The following FPGS variants were observed in gnomAD, a reference collection of about 807,000 sequenced individuals.
The protein encoded by FPGS is folylpolyglutamate synthase.
FPGS carries 53 observed loss-of-function variants against 66.5 expected under a neutral mutation model. That is an observed-to-expected ratio of 0.80 (90% confidence interval 0.64 to 1.00). FPGS has a LOEUF of 1.00. FPGS is among the 50% of genes least tolerant of loss of function. The probability of loss-of-function intolerance (pLI) is 0.00; values close to 1 mark genes in which losing one functional copy is unlikely to be tolerated. For synonymous variants in FPGS, 348 were observed against 350.9 expected (o/e 0.99, Z 0.09); for missense variants, 702 against 807.7 (o/e 0.87, Z 1.59).
At position 127,813,613 on chromosome 9, in the gene FPGS, C is replaced by G; in HGVS notation, c.*9C>G. Reference sequence around the variant, plus strand: ...CCGCACTGTCCCAGTAGCCAAGGCCCGGGGTTGGAGGTGGGAGCTTCCCAC... The same window carrying G: ...CCGCACTGTCCCAGTAGCCAAGGCCGGGGGTTGGAGGTGGGAGCTTCCCAC... On this transcript the variant is annotated 3_prime_UTR_variant, in exon 15 of 15. Coordinates refer to ENST00000373247, the MANE Select transcript of FPGS (RefSeq NM_004957.6). 5 of 1,506,482 alleles carry G rather than the reference C, an allele frequency of 3.3e-6. No homozygotes were observed. The highest frequency in any genetic ancestry group is 2.7e-6 in the Non-Finnish European group (3 of 1,126,316). The allele number at this position is 1,506,482 out of a possible 1,614,324, so 93.3% of individuals were successfully genotyped here. A position where few individuals can be genotyped will look rare whatever the true frequency, so the allele number is the denominator to read the frequency against.
At position 127,807,271 on chromosome 9, in the gene FPGS, C is replaced by T; in HGVS notation, c.564C>T (p.Val188=). The T allele has an allele frequency of 6.2e-7, 1 of 1,614,204 alleles. No homozygotes were observed. The highest frequency in any genetic ancestry group is 8.5e-7 in the Non-Finnish European group (1 of 1,180,022). ...TCCTGACACTCATGGCCTTCCACGT[C>T]TTCCTCCAAGAGAAGGTGTGTGCCC... ...FRFLTLMAFH[V]FLQEKVDLAV... The change falls in exon 6 of 15, where the codon GTC becomes GTT. Residue 188 remains valine, a synonymous_variant. Coordinates refer to ENST00000373247, the MANE Select transcript of FPGS (RefSeq NM_004957.6). The surrounding 1 kb of genome is among the most constrained non-coding windows in gnomAD (Gnocchi z 5.8).
rs1366625330 is a variant in FPGS, at chr9:127,808,692, G to T, written c.957G>T (p.Arg319=). The T allele has an allele frequency of 6.3e-7, 1 of 1,588,556 alleles. No homozygotes were observed. Among genetic ancestry groups the T allele is most frequent in the Non-Finnish European group, 8.6e-7 (1 of 1,168,000 alleles). Residue 319 remains arginine (R), a synonymous_variant, in exon 10 of 15, where the codon CGG becomes CGT. Coordinates refer to ENST00000373247, the MANE Select transcript of FPGS (RefSeq NM_004957.6). ...ALQLAHCWLQ[R]QDRHGAGEPK... ...AGCTGGCCCACTGCTGGCTGCAGCG[G>T]CAGGACCGCCATGGTGAGTGGGCAG...
intron 4 of FPGS, among the ~76,000 whole-genome samples, chr9:127,805,157 G>A (rs1163051801): frequency 1.3e-5 from 2 of 151,990 alleles, no homozygotes; most frequent in African/African-American, 4.8e-5. Flanking sequence ...CTAAAGTGCT[G>A]GGATTACAGG....
Position 127,808,431 on chromosome 9 carries a change from T to C in FPGS, c.822+120T>C, listed in dbSNP as rs532279179. The C allele has an allele frequency of 3.6e-4, 534 of 1,502,830 alleles. 1 individual carries two copies. The highest frequency in any genetic ancestry group is 4.5e-4 in the Non-Finnish European group (487 of 1,087,904). The allele number at this position is 1,502,830 out of a possible 1,614,324, so 93.1% of individuals were successfully genotyped here. Reference sequence around the variant, plus strand: ...TGTGCAGTGAGGACGCTGGGCCAGCTGCCAGGCCTGCTGGAACACATCTCA... The same window carrying C: ...TGTGCAGTGAGGACGCTGGGCCAGCCGCCAGGCCTGCTGGAACACATCTCA... On this transcript the variant is annotated intron_variant, in intron 9 of 14. Coordinates refer to ENST00000373247, the MANE Select transcript of FPGS (RefSeq NM_004957.6).
Position 127,810,012 on chromosome 9 carries a change from C to G in FPGS, c.1212-19C>G. ...GAACGGGCGGCGCCCTTTGACCCAG[C>G]TCCTCACCTCTGTCGCAGTGGCCCC... On this transcript the variant is annotated intron_variant, in intron 12 of 14. Coordinates refer to ENST00000373247, the MANE Select transcript of FPGS (RefSeq NM_004957.6). 6.2e-7 allele frequency: 1 copy of G among 1,605,578 alleles called. No homozygotes were observed. Among genetic ancestry groups the G allele is most frequent in the Non-Finnish European group, 8.5e-7 (1 of 1,176,628 alleles).
rs1168520194 is a variant in FPGS, at chr9:127,813,759, C to CT, written c.*161dup. 21 of 1,317,236 alleles carry CT rather than the reference C, an allele frequency of 1.6e-5. No individual in the cohort carries two copies. The highest frequency in any genetic ancestry group is 3.9e-5 in the Admixed American group (1 of 25,370). 81.6% of individuals were successfully genotyped at this position (1,317,236 alleles called of 1,614,324 possible). ...GGGATGGGAGGCCGGGAGAGGATGT[C>CT]TTTTTTAAGGCTCTGTGCCTTGGTC... On this transcript the variant is annotated 3_prime_UTR_variant, in exon 15 of 15. Coordinates refer to ENST00000373247, the MANE Select transcript of FPGS (RefSeq NM_004957.6).
rs549472942 is a variant in FPGS at position 127,807,191 on chromosome 9, C to T, written c.502-18C>T. ...GGGCTGCATGGGCTCTGGGCCCTGA[C>T]ATGTCCCTGTGCCACAGGATGGCAG... On this transcript the variant is annotated intron_variant, in intron 5 of 14. Coordinates refer to ENST00000373247, the MANE Select transcript of FPGS (RefSeq NM_004957.6). This position sits in a 1 kb window ranked among gnomAD's most constrained non-coding sequence, Gnocchi z 5.8. 1 of 1,613,932 alleles carries T rather than the reference C, an allele frequency of 6.2e-7. No individual in the cohort carries two copies. Among genetic ancestry groups the T allele is most frequent in the East Asian group, 2.2e-5 (1 of 44,884 alleles).
At chr9:127,809,219 C>T (rs184235659) in intron 11 of FPGS, among the ~76,000 whole-genome samples, 71 of 149,022 alleles carry the variant, frequency 4.8e-4, no homozygotes, top group African/African-American at 1.6e-3. Context: ...GCTGCTGTCA[C>T]TGTCACTATC....
chr9:127,807,148 C>T lies in FPGS; in HGVS notation c.501+61C>T. 3 of 1,610,872 alleles carry T rather than the reference C, an allele frequency of 1.9e-6. No individual in the cohort carries two copies. The highest frequency in any genetic ancestry group is 2.5e-6 in the Non-Finnish European group (3 of 1,177,194). ...TTGGGGGTGCTACGTGTTCCAGCACCCCATCTCCCCAGAGAAGGGGCTGCA... is the reference window on the plus strand; with the variant it reads ...TTGGGGGTGCTACGTGTTCCAGCACTCCATCTCCCCAGAGAAGGGGCTGCA... On this transcript the variant is annotated intron_variant, in intron 5 of 14. Coordinates refer to ENST00000373247, the MANE Select transcript of FPGS (RefSeq NM_004957.6). The surrounding 1 kb of genome is among the most constrained non-coding windows in gnomAD (Gnocchi z 5.8).
rs1049343510 is a variant in FPGS at position 127,813,700 on chromosome 9, G to T, written c.*96G>T. The T allele has an allele frequency of 1.4e-6, 2 of 1,421,594 alleles. No individual in the cohort carries two copies. Among genetic ancestry groups the T allele is most frequent in the Non-Finnish European group, 1.8e-6 (2 of 1,089,102 alleles). The allele number at this position is 1,421,594 out of a possible 1,614,324, so 88.1% of individuals were successfully genotyped here. ...GTGCCTTTTGTTTTTGGCTTTCCTG[G>T]TTCTGTCTAGACTGGCCTAGGGGCC... is the stretch of plus-strand genomic sequence containing the variant. On this transcript the variant is annotated 3_prime_UTR_variant, in exon 15 of 15. Coordinates refer to ENST00000373247, the MANE Select transcript of FPGS (RefSeq NM_004957.6).
Position 127,804,329 on chromosome 9 carries a change from C to T in FPGS, c.183C>T (p.Tyr61=). The stretch of plus-strand genomic sequence containing the variant: ...ATACCCTGCAGACCAATGCCGGCTA[C>T]CTGGAGCAGGTGAAGCGCCAGCGGG... ...MLNTLQTNAG[Y]LEQVKRQRGD... is the part of the protein sequence containing the mutation. Residue 61 remains tyrosine, a synonymous_variant, in exon 2 of 15, where the codon TAC becomes TAT. Transcript: ENST00000373247. 3.1e-6 allele frequency: 5 copies of T among 1,614,214 alleles called. No individual in the cohort carries two copies. Among genetic ancestry groups the T allele is most frequent in the Non-Finnish European group, 4.2e-6 (5 of 1,180,032 alleles).
intron 1 of FPGS, 28 bp from the exon 2 acceptor site, chr9:127,804,257 C>CCTA: frequency 6.2e-7 from 1 of 1,610,260 alleles, no homozygotes; most frequent in Middle Eastern, 1.7e-4. Flanking sequence ...TGAGCCTTAA[C>CCTA]CTACTATCTG....
chr9:127,809,687 T>C lies in FPGS; in HGVS notation c.1064T>C (p.Leu355Pro). 1 of 1,587,048 alleles carries C rather than the reference T, an allele frequency of 6.3e-7. No homozygotes were observed. Among genetic ancestry groups the C allele is most frequent in the Non-Finnish European group, 8.5e-7 (1 of 1,174,190 alleles). ...FQPTSHMRLG[L>P]RNTEWPGRTQ... Reference sequence around the variant, plus strand: ...CTGCCTTGCTGCCCTCCCCCAGGGCTTCGGAACACGGAGTGGCCGGGCCGG... The same window carrying C: ...CTGCCTTGCTGCCCTCCCCCAGGGCCTCGGAACACGGAGTGGCCGGGCCGG... The change falls in exon 12 of 15, where the codon CTT becomes CCT. Residue 355 changes from leucine (L) to proline (P), a missense_variant. By Grantham distance (98) the Leu-to-Pro change is moderately conservative. Transcript: ENST00000373247.
At chr9:127,803,246 C>T in intron 1 of FPGS, 184 bp downstream of exon 1, 1 of 1,240,492 alleles carries the variant, frequency 8.1e-7, no homozygotes, top group South Asian at 3.4e-5. Context: ...GGGCCCGGGC[C>T]GCCGGGGCTG....
intron 14 of FPGS, among the ~76,000 whole-genome samples, chr9:127,812,255 C>T (rs1057506367): frequency 6.6e-6 from 1 of 151,806 alleles, no homozygotes; most frequent in African/African-American, 2.4e-5. Context: ...AGACCCTGGA[C>T]CCTCTCTAAA....
chr9:127,803,375 C>CT, intron 1 of FPGS: 1 of 1,119,754 alleles, frequency 8.9e-7, no homozygotes, highest in East Asian at 4.9e-5. Context: ...ATCCCGGAGT[C>CT]TGAACCGGCA....
chr9:127,808,199 A>G (rs1829896616), intron 8 of FPGS, 35 bp from the exon 9 acceptor site: 1 of 1,523,568 alleles, frequency 6.6e-7, no homozygotes, highest in African/African-American at 1.4e-5. Context: ...GGAGGATGCT[A>G]GGTAGCCCTT....
rs768817305 is a variant in FPGS, at chr9:127,807,824, C to T, written c.744+136C>T. ...TTCCCCATTGAAACGTGAGGGATGG[C>T]TGGGCATGGTGGCTTATATGCTTGC... On this transcript the variant is annotated intron_variant, in intron 8 of 14. Coordinates refer to ENST00000373247, the MANE Select transcript of FPGS (RefSeq NM_004957.6). This position sits in a 1 kb window ranked among gnomAD's most constrained non-coding sequence, Gnocchi z 5.8. 8 of 625,632 alleles carry T rather than the reference C, an allele frequency of 1.3e-5. No individual in the cohort carries two copies. In the African/African-American group the frequency reaches 1.5e-4, roughly 12 times the overall value. 38.8% of individuals were successfully genotyped at this position (625,632 alleles called of 1,614,324 possible). A position where few individuals can be genotyped will look rare whatever the true frequency, so the allele number is the denominator to read the frequency against.
In FPGS at chr9:127,813,437, C is replaced by A. The variant is rs1363025842; in HGVS notation, c.1597C>A (p.Pro533Thr). The A allele has an allele frequency of 1.2e-6, 2 of 1,611,276 alleles. No homozygotes were observed. The highest frequency in any genetic ancestry group is 1.7e-5 in the Admixed American group (1 of 59,830). The change falls in exon 15 of 15, where the codon CCC becomes ACC. Residue 533 changes from proline to threonine, a missense_variant. Pro to Thr is a conservative substitution (Grantham distance 38). This residue lies in a region of FPGS where 351 missense variants were observed against 363.7 expected (regional missense o/e 0.97). Coordinates refer to ENST00000373247, the MANE Select transcript of FPGS (RefSeq NM_004957.6). ...GCAATGGATCAGCCAAGGCCGAGAC[C>A]CCATCTTCCAGCCACCTAGTCCCCC... is the stretch of plus-strand genomic sequence containing the variant. Reference protein sequence around the residue: ...ALQWISQGRDPIFQPPSPPKG... With the variant: ...ALQWISQGRDTIFQPPSPPKG...
Sources: allele counts gnomAD v4.1 joint callset (sites outside exome capture counted in the v4.1 genomes callset), GRCh38; gene constraint gnomAD v4.1.1; regional missense constraint gnomAD v4.1.1; non-coding constraint Gnocchi (gnomAD v3.1); transcripts MANE v1.5; gene names NCBI Gene and HGNC (gene_info 2026-07-23, HGNC 2026-07-21).